TTC19: variants seen among roughly 807,000 people sequenced by gnomAD.
TTC19 encodes tetratricopeptide repeat protein 19, mitochondrial.
TTC19 carries 38 observed loss-of-function variants against 49.5 expected under a neutral mutation model. That is an observed-to-expected ratio of 0.77 (90% CI 0.59 to 1.01). The LOEUF is 1.01. TTC19 is among the 50% of genes least tolerant of loss of function. TTC19 has a pLI of 0.00. For synonymous variants in TTC19, 204 were observed against 185.2 expected, an observed-to-expected ratio of 1.10 and a Z score of -0.83; for missense variants, 475 against 477.7, an observed-to-expected ratio of 0.99 and a Z score of 0.05.
At chr17:16,026,828 T>C (rs1971577632) in intron 9 of TTC19, 126 bp downstream of exon 9, 2 of 1,001,714 alleles carry the variant, frequency 2.0e-6, no homozygotes, top group Admixed American at 1.9e-5. Context: ...AAAAGACTGG[T>C]TGAATGGCAG....
intron 7 of TTC19, among the ~76,000 whole-genome samples, chr17:16,020,158 T>C (rs952837985): frequency 6.6e-6 from 1 of 152,204 alleles, no homozygotes; most frequent in Non-Finnish European, 1.5e-5. Context: ...TTTACCAGTT[T>C]ACATTTTGAC....
In TTC19 at chr17:16,025,037, C is replaced by A. The variant is rs762819874; in HGVS notation, c.697C>A (p.His233Asn). 6.2e-7 allele frequency: 1 copy of A among 1,613,912 alleles called. No individual in the cohort carries two copies. The highest frequency in any genetic ancestry group is 8.5e-7 in the Non-Finnish European group (1 of 1,179,830). The change falls in exon 8 of 10, where the codon CAC (histidine) becomes AAC (asparagine). Residue 233 changes from histidine to asparagine, a missense_variant. His to Asn is a moderately conservative substitution (Grantham distance 68). Coordinates refer to ENST00000261647, the MANE Select transcript of TTC19 (RefSeq NM_017775.4). The part of the protein sequence containing the change: ...IMSVEEKANT[H>N]LLLGMCLDAC... ...CTTAGTGGAAGAGAAAGCCAATACC[C>A]ACCTCCTCTTGGGCATGTGCTTAGA...
chr17:16,014,191 G>C lies in TTC19; in HGVS notation c.676+7623G>C, dbSNP rs537648977. Among the ~76,000 whole-genome samples the C allele has an allele frequency of 2.6e-5, 4 of 152,298 alleles. No individual in the cohort carries two copies. In the South Asian group the frequency reaches 8.3e-4, roughly 32 times the overall value. Reference sequence around the variant, plus strand: ...CATAGGATCAAGGTAATCTTTCCTAGAAGTCTCCAAGTAGATTTGTCCTTA... The same window carrying C: ...CATAGGATCAAGGTAATCTTTCCTACAAGTCTCCAAGTAGATTTGTCCTTA... On this transcript the variant is annotated intron_variant, in intron 7 of 9. Transcript: ENST00000261647.
Position 16,010,138 on chromosome 17 carries a change from C to T in TTC19, c.676+3570C>T, listed in dbSNP as rs549148795. On this transcript the variant is annotated intron_variant, in intron 7 of 9. Transcript: ENST00000261647. ...ATTTTCTTGGCTATCTCACCCACCC[C>T]ATCTATTTTTTTTATTTTTTAATTT... is the stretch of plus-strand genomic sequence containing the variant. 3.0e-4 allele frequency among the ~76,000 whole-genome samples: 45 copies of T among 149,986 alleles called. 1 individual carries two copies. The South Asian group carries it at 7.8e-3, about 26-fold the overall frequency.
At chr17:16,026,195 C>G (rs1187138968) in intron 8 of TTC19, among the ~76,000 whole-genome samples, 1 of 152,180 alleles carries the variant, frequency 6.6e-6, no homozygotes, top group Non-Finnish European at 1.5e-5. Flanking sequence ...AGGAGGCTGG[C>G]TTCTCAAAGT....
chr17:16,039,965 T>C (rs2057246559), intron 2 of TTC19: 1 of 389,234 alleles, frequency 2.6e-6, no homozygotes, highest in African/African-American at 2.1e-5. Context: ...TAATTTTTTG[T>C]ATTTTTAGGA....
At chr17:16,011,326 G>A (rs565510714) in intron 7 of TTC19, among the ~76,000 whole-genome samples, 1 of 152,084 alleles carries the variant, frequency 6.6e-6, no homozygotes, top group African/African-American at 2.4e-5. Context: ...GATTACAGGC[G>A]TGAGCTACCA....
At chr17:16,018,237 T>C (rs1044206807) in intron 7 of TTC19, among the ~76,000 whole-genome samples, 20 of 138,034 alleles carry the variant, frequency 1.4e-4, no homozygotes, top group African/African-American at 4.5e-4. Context: ...TGTCTGTTTA[T>C]GAAGCTTGCT....
chr17:16,009,487 T>C (rs1467388460), intron 7 of TTC19, among the ~76,000 whole-genome samples: 2 of 148,764 alleles, frequency 1.3e-5, no homozygotes, highest in African/African-American at 5.2e-5. Context: ...TTTAGTAACA[T>C]ATTATGAAAA....
chr17:16,009,353 C>A (rs1325772951), intron 7 of TTC19, among the ~76,000 whole-genome samples: 3 of 152,174 alleles, frequency 2.0e-5, no homozygotes, highest in African/African-American at 7.2e-5. Flanking sequence ...TAAAAATCAT[C>A]TGTAATCATA....
At position 16,028,823 on chromosome 17, in the gene TTC19, A is replaced by C; in HGVS notation, c.*1301A>C. 1 of 332,206 alleles carries C rather than the reference A, an allele frequency of 3.0e-6. No homozygotes were observed. Among genetic ancestry groups the C allele is most frequent in the Non-Finnish European group, 5.6e-6 (1 of 179,044 alleles). The allele number at this position is 332,206 out of a possible 1,614,324, so 20.6% of individuals were successfully genotyped here. On this transcript the variant is annotated 3_prime_UTR_variant, in exon 10 of 10. Coordinates refer to ENST00000261647, the MANE Select transcript of TTC19 (RefSeq NM_017775.4). ...CCAGTAATCTTTGCATTTCTCAAAAAAAAAAAAAAAAAAAAAAAAAAAACT... is the reference window on the plus strand; with the variant it reads ...CCAGTAATCTTTGCATTTCTCAAAACAAAAAAAAAAAAAAAAAAAAAAACT...
At chr17:16,007,383 C>A (rs1196452154) in intron 7 of TTC19, among the ~76,000 whole-genome samples, 4 of 152,300 alleles carry the variant, frequency 2.6e-5, no homozygotes, top group African/African-American at 9.6e-5. Context: ...ATACTGTTAA[C>A]AGTGTCACAG....
chr17:16,040,376 T>C lies in TTC19; in HGVS notation c.248-4127T>C, dbSNP rs373999358. On this transcript the variant is annotated intron_variant, in intron 2 of 2. Coordinates refer to the TTC19 transcript ENST00000470649. ...TGGTATACAGTTGGTACTCAGTACA[T>C]ATTTGTTGGACTGACTACTGCTGTG... 8 of 1,304,302 alleles carry C rather than the reference T, an allele frequency of 6.1e-6. No homozygotes were observed. The African/African-American group carries it at 1.0e-4, about 17-fold the overall frequency. 80.8% of individuals were successfully genotyped at this position (1,304,302 alleles called of 1,614,324 possible). A position where few individuals can be genotyped will look rare whatever the true frequency, so the allele number is the denominator to read the frequency against.
At chr17:16,026,181 C>G (rs1971550924) in intron 8 of TTC19, among the ~76,000 whole-genome samples, 1 of 152,124 alleles carries the variant, frequency 6.6e-6, no homozygotes, top group African/African-American at 2.4e-5. Flanking sequence ...GGCAATCAAA[C>G]CATAGGAGGC....
chr17:16,026,627 G>C lies in TTC19; in HGVS notation c.919G>C (p.Asp307His). 1 of 1,614,186 alleles carries C rather than the reference G, an allele frequency of 6.2e-7. No homozygotes were observed. The highest frequency in any genetic ancestry group is 8.5e-7 in the Non-Finnish European group (1 of 1,179,998). Reference sequence around the variant, plus strand: ...CTATATTTATATGCAAAGGGCATCAGATCTGGCAAGACAGATAAATCATCC... The same window carrying C: ...CTATATTTATATGCAAAGGGCATCACATCTGGCAAGACAGATAAATCATCC... Reference protein sequence around the residue: ...EAYIYMQRASDLARQINHPEL... With the variant: ...EAYIYMQRASHLARQINHPEL... Residue 307 changes from aspartate to histidine, a missense_variant, in exon 9 of 10, where the codon GAT becomes CAT. Coordinates refer to ENST00000261647, the MANE Select transcript of TTC19 (RefSeq NM_017775.4).
rs1971657999 is a variant in TTC19, at chr17:16,028,390, C to T, written c.*868C>T. Reference sequence around the variant, plus strand: ...AATGTGTACTGCTGGTATAGCTGAACTACTGACCTGGATCTTAGTCCTAGC... The same window carrying T: ...AATGTGTACTGCTGGTATAGCTGAATTACTGACCTGGATCTTAGTCCTAGC... On this transcript the variant is annotated 3_prime_UTR_variant, in exon 10 of 10. Coordinates refer to ENST00000261647, the MANE Select transcript of TTC19 (RefSeq NM_017775.4). The T allele has an allele frequency of 2.2e-6, 1 of 453,988 alleles. No homozygotes were observed. The highest frequency in any genetic ancestry group is 2.0e-5 in the African/African-American group (1 of 49,992). 28.1% of individuals were successfully genotyped at this position (453,988 alleles called of 1,614,324 possible). A position where few individuals can be genotyped will look rare whatever the true frequency, so the allele number is the denominator to read the frequency against.
chr17:16,027,654 T>A lies in TTC19; in HGVS notation c.*132T>A, dbSNP rs1400562715. On this transcript the variant is annotated 3_prime_UTR_variant, in exon 10 of 10. Coordinates refer to ENST00000261647, the MANE Select transcript of TTC19 (RefSeq NM_017775.4). ...TCAGGTTTCCTCAATTTAGCCTTAGTGAAGGAGGGGTTGTACACACTGCCA... is the reference window on the plus strand; with the variant it reads ...TCAGGTTTCCTCAATTTAGCCTTAGAGAAGGAGGGGTTGTACACACTGCCA... The A allele has an allele frequency of 1.8e-6, 2 of 1,083,198 alleles. No individual in the cohort carries two copies. Among genetic ancestry groups the A allele is most frequent in the Admixed American group, 3.8e-5 (2 of 52,114 alleles). 67.1% of individuals were successfully genotyped at this position (1,083,198 alleles called of 1,614,324 possible). A position where few individuals can be genotyped will look rare whatever the true frequency, so the allele number is the denominator to read the frequency against.
chr17:16,040,509 A>G (rs1244860506), intron 2 of TTC19: 1 of 1,611,298 alleles, frequency 6.2e-7, no homozygotes, highest in Non-Finnish European at 8.5e-7. Context: ...ATTTAAGCAA[A>G]CATTCAAGTT....
At chr17:16,020,584 G>T (rs377653120) in intron 7 of TTC19, among the ~76,000 whole-genome samples, 5 of 152,052 alleles carry the variant, frequency 3.3e-5, no homozygotes, top group African/African-American at 9.7e-5. Flanking sequence ...GATTCATGGG[G>T]TGCTAATGTT....
Sources: allele counts gnomAD v4.1 joint callset (sites outside exome capture counted in the v4.1 genomes callset), GRCh38; gene constraint gnomAD v4.1.1; transcripts MANE v1.5; gene names NCBI Gene and HGNC (gene_info 2026-07-23, HGNC 2026-07-21).